Variants in ADGRE1 observed in about 807,000 individuals in gnomAD.
ADGRE1 encodes adhesion G protein-coupled receptor E1, also known as EGF-like module receptor 1.
In ADGRE1, 82 loss-of-function variants were observed where a neutral mutation model predicts 102.7. The observed-to-expected ratio is 0.80, with a 90% CI of 0.67 to 0.96. ADGRE1 has a LOEUF of 0.96. ADGRE1 is among the 40% of genes least tolerant of loss of function. The pLI, the probability that ADGRE1 is intolerant of heterozygous loss-of-function variation, is 0.00. For synonymous variants in ADGRE1, 398 were observed against 399.6 expected (o/e 1.00, Z 0.05); for missense variants, 1,032 against 1,085.3 (o/e 0.95, Z 0.69).
intron 11 of ADGRE1, among the ~76,000 whole-genome samples, chr19:6,915,216 C>T (rs1974330600): frequency 6.6e-6 from 1 of 151,950 alleles, no homozygotes; most frequent in Non-Finnish European, 1.5e-5. Flanking sequence ...CTATGTTGCC[C>T]ACGCTGGTCT....
At chr19:6,913,213 C>T (rs934703098) in intron 10 of ADGRE1, among the ~76,000 whole-genome samples, 2 of 152,078 alleles carry the variant, frequency 1.3e-5, no homozygotes, top group African/African-American at 4.8e-5. Context: ...GCCTCTCTCA[C>T]TGTCGCCCAG....
intron 12 of ADGRE1, among the ~76,000 whole-genome samples, chr19:6,918,774 G>A (rs1381084545): frequency 6.6e-6 from 1 of 152,216 alleles, no homozygotes; most frequent in Non-Finnish European, 1.5e-5. Flanking sequence ...ACCCAGGCTG[G>A]AGTGCAGTGG....
intron 13 of ADGRE1, 118 bp downstream of exon 13, chr19:6,919,865 T>G: frequency 1.0e-6 from 1 of 952,378 alleles, no homozygotes; most frequent in Admixed American, 2.4e-5. Context: ...CTTCCACAAT[T>G]TCCAGCAATT....
chr19:6,903,599 T>C (rs796587805), intron 6 of ADGRE1, among the ~76,000 whole-genome samples: 7 of 152,314 alleles, frequency 4.6e-5, no homozygotes, highest in African/African-American at 1.7e-4. Flanking sequence ...TTGACCACCT[T>C]GGCCCTGAAG....
At chr19:6,902,176 G>A (rs1398978099) in intron 6 of ADGRE1, among the ~76,000 whole-genome samples, 155 bp downstream of exon 6, 1 of 152,150 alleles carries the variant, frequency 6.6e-6, no homozygotes, top group East Asian at 1.9e-4. Flanking sequence ...TACCTCTTGA[G>A]CACTTACAGT....
chr19:6,926,291 GTCTC>G (rs1006595725), intron 15 of ADGRE1, 71 bp from the exon 16 acceptor site: 162 of 1,511,792 alleles, frequency 1.1e-4, no homozygotes, highest in African/African-American at 4.1e-5. Flanking sequence ...CAGCCGAGGA[GTCTC>G]TCTCTTCCTT....
intron 11 of ADGRE1, among the ~76,000 whole-genome samples, chr19:6,914,724 AG>A (rs2144955441): frequency 6.6e-6 from 1 of 152,350 alleles, no homozygotes; most frequent in African/African-American, 2.4e-5. Context: ...TACCAAATAG[AG>A]GTAGCACTAT....
chr19:6,896,736 G>T, intron 3 of ADGRE1, 195 bp downstream of exon 3: 1 of 606,596 alleles, frequency 1.6e-6, no homozygotes, highest in Non-Finnish European at 2.7e-6. Context: ...TACTGTCACA[G>T]CATTGCTAGC....
At position 6,916,376 on chromosome 19, in the gene ADGRE1, T is replaced by C; in HGVS notation, c.1420+8T>C. On this transcript the variant is annotated splice_region_variant and intron_variant, in intron 12 of 20. Coordinates refer to ENST00000312053, the MANE Select transcript of ADGRE1 (RefSeq NM_001974.5). ...AGGAATCTGAATCCACAGGTACAGG[T>C]CCTCTCCTGAGAATGCAGGTTATGG... is the stretch of plus-strand genomic sequence containing the variant. The C allele has an allele frequency of 1.2e-6, 2 of 1,611,000 alleles. No individual in the cohort carries two copies. The highest frequency in any genetic ancestry group is 2.2e-5 in the South Asian group (2 of 90,706).
chr19:6,925,134 T>C (rs1240738086), intron 15 of ADGRE1, among the ~76,000 whole-genome samples: 2 of 152,202 alleles, frequency 1.3e-5, no homozygotes, highest in African/African-American at 4.8e-5. Flanking sequence ...TGTTTGTTTG[T>C]TTTTGATACT....
At chr19:6,921,690 T>TA in intron 13 of ADGRE1, 23 bp from the exon 14 acceptor site, 1 of 1,549,244 alleles carries the variant, frequency 6.5e-7, no homozygotes, top group Non-Finnish European at 8.7e-7. Context: ...ACCTTTGTTT[T>TA]TTTGTTTTTT....
At chr19:6,902,704 G>A (rs1973816827) in intron 6 of ADGRE1, among the ~76,000 whole-genome samples, 1 of 151,334 alleles carries the variant, frequency 6.6e-6, no homozygotes, top group South Asian at 2.1e-4. Context: ...GCTTCTCAAA[G>A]CGTTTGGATT....
chr19:6,897,420 C>A lies in ADGRE1; in HGVS notation c.395-8C>A, dbSNP rs1384277033. The A allele has an allele frequency of 2.5e-6, 4 of 1,593,378 alleles. No homozygotes were observed. The South Asian group carries it at 3.4e-5, about 14-fold the overall frequency. On this transcript the variant is annotated splice_region_variant and splice_polypyrimidine_tract_variant and intron_variant, in intron 4 of 20. Coordinates refer to ENST00000312053, the MANE Select transcript of ADGRE1 (RefSeq NM_001974.5). ...CTTATCTGCTCACCCTCTTCCACTGCTTCTCAGATATCAATGAGTGCCTCA... is the reference window on the plus strand; with the variant it reads ...CTTATCTGCTCACCCTCTTCCACTGATTCTCAGATATCAATGAGTGCCTCA...
At chr19:6,889,827 C>G (rs1401718467) in intron 1 of ADGRE1, among the ~76,000 whole-genome samples, 1 of 151,308 alleles carries the variant, frequency 6.6e-6, no homozygotes, top group African/African-American at 2.4e-5. Flanking sequence ...AAAGAGTAAG[C>G]TTAAAAAGAT....
chr19:6,898,247 TG>T (rs1197046811), intron 5 of ADGRE1: 7 of 1,460,016 alleles, frequency 4.8e-6, no homozygotes, highest in African/African-American at 2.9e-5. Flanking sequence ...CTTTTTTTTT[TG>T]GCAAAATACA....
rs111211943 is a variant in ADGRE1, at chr19:6,911,840, A to C, written c.1123-1813A>C. On this transcript the variant is annotated intron_variant, in intron 10 of 20. Transcript: ENST00000312053. ...TACACATACAAATGCATACACACAC[A>C]CCCCACACACATTTACACACATACA... is the stretch of plus-strand genomic sequence containing the variant. Among the ~76,000 whole-genome samples, 325 of 147,856 alleles carry C rather than the reference A, an allele frequency of 2.2e-3. 2 individuals carry two copies. Among genetic ancestry groups the C allele is most frequent in the South Asian group, 0.012 (54 of 4,566 alleles).
At position 6,897,219 on chromosome 19, in the gene ADGRE1, G is replaced by T; in HGVS notation, c.309G>T (p.Arg103Ser). ...PNSSCKNLSG[R>S]YKCSCLDGFS... Reference sequence around the variant, plus strand: ...CATCCTGCAAAAACCTGTCAGGGAGGTACAAGTGCAGCTGTTTAGATGGTT... The same window carrying T: ...CATCCTGCAAAAACCTGTCAGGGAGTTACAAGTGCAGCTGTTTAGATGGTT... Residue 103 changes from arginine to serine, a missense_variant, in exon 4 of 21, where the codon AGG (arginine) becomes AGT (serine). By Grantham distance (110) the Arg-to-Ser change is moderately radical (BLOSUM62 -1). Transcript: ENST00000312053. 6.2e-7 allele frequency: 1 copy of T among 1,613,662 alleles called. No individual in the cohort carries two copies. Among genetic ancestry groups the T allele is most frequent in the Non-Finnish European group, 8.5e-7 (1 of 1,179,936 alleles).
intron 2 of ADGRE1, among the ~76,000 whole-genome samples, chr19:6,892,495 A>G (rs140349744): frequency 0.028 from 4,302 of 152,246 alleles, 87 homozygotes; most frequent in Non-Finnish European, 0.046. Context: ...GGTTGTATCT[A>G]CTGACATCTT....
chr19:6,907,401 T>C (rs930784049), intron 9 of ADGRE1, among the ~76,000 whole-genome samples: 1 of 149,566 alleles, frequency 6.7e-6, no homozygotes, highest in African/African-American at 2.5e-5. Flanking sequence ...TGCAGTGGGG[T>C]GATCTTGGCT....
Sources: gnomAD v4.1 joint callset for allele counts (sites outside exome capture counted in the v4.1 genomes callset) on GRCh38, gnomAD v4.1.1 for gene constraint, MANE v1.5 for transcripts, NCBI Gene and HGNC (gene_info 2026-07-23, HGNC 2026-07-21) for gene names.